YPEL2: variants seen among roughly 807,000 people sequenced by gnomAD.
YPEL2 encodes the protein protein yippee-like 2.
A neutral mutation model predicts 19.1 loss-of-function variants in YPEL2; 2 were observed. The observed-to-expected ratio is 0.10, with a 90% CI of 0.04 to 0.33. YPEL2 has a LOEUF of 0.33. Among genes scored for constraint, YPEL2 ranks in the 10% least tolerant of loss-of-function variants. YPEL2 has a pLI of 1.00. For synonymous variants in YPEL2, 52 were observed against 50.0 expected, an observed-to-expected ratio of 1.04 and a Z score of -0.17; for missense variants, 66 against 140.7, an observed-to-expected ratio of 0.47 and a Z score of 2.68.
At position 59,394,295 on chromosome 17, in the gene YPEL2, T is replaced by C. The variant is rs544187737; in HGVS notation, c.271-2806T>C. ...GCGGAGGGTCTCCTCACTTCTCAGA[T>C]GGGGCGGCCGGGCAGAGACGGCTCC... On this transcript the variant is annotated intron_variant, in intron 4 of 4. Coordinates refer to ENST00000312655, the MANE Select transcript of YPEL2 (RefSeq NM_001005404.4). Among the ~76,000 whole-genome samples the C allele has an allele frequency of 5.8e-3, 807 of 138,814 alleles. 7 individuals carry two copies. The highest frequency in any genetic ancestry group is 0.019 in the African/African-American group (703 of 36,578). 91.1% of individuals were successfully genotyped at this position (138,814 alleles called of 152,430 possible). A position where few individuals can be genotyped will look rare whatever the true frequency, so the allele number is the denominator to read the frequency against.
chr17:59,354,704 G>T (rs557432687), intron 2 of YPEL2: 1 of 152,278 alleles, frequency 6.6e-6, no homozygotes, highest in African/African-American at 2.4e-5. Context: ...AGCTTGAAGC[G>T]TACAGCCCCT....
chr17:59,387,500 G>A (rs563712241), intron 2 of YPEL2, among the ~76,000 whole-genome samples: 2 of 152,006 alleles, frequency 1.3e-5, no homozygotes, highest in Admixed American at 6.6e-5. Flanking sequence ...AAATGCAGGC[G>A]GCAGTGCAGA....
chr17:59,390,905 ATACT>A (rs2147958491), intron 4 of YPEL2, among the ~76,000 whole-genome samples: 1 of 152,356 alleles, frequency 6.6e-6, no homozygotes, highest in Admixed American at 6.5e-5. Flanking sequence ...AAGTTTCCTC[ATACT>A]TACAGAGTTG....
chr17:59,390,622 C>T lies in YPEL2; in HGVS notation c.270+1154C>T, dbSNP rs538124284. Among the ~76,000 whole-genome samples the T allele has an allele frequency of 8.5e-5, 13 of 152,314 alleles. No homozygotes were observed. In the South Asian group the frequency reaches 2.7e-3, roughly 32 times the overall value. ...ACAATTATTCTTTCATTGTTTAACT[C>T]AGCAAAAAATGTTAAGGTCCCTTTG... is the stretch of plus-strand genomic sequence containing the variant. On this transcript the variant is annotated intron_variant, in intron 4 of 4. Coordinates refer to ENST00000312655, the MANE Select transcript of YPEL2 (RefSeq NM_001005404.4).
chr17:59,393,742 CTG>C (rs2048021204), intron 4 of YPEL2, among the ~76,000 whole-genome samples: 1 of 149,322 alleles, frequency 6.7e-6, no homozygotes, highest in Admixed American at 6.7e-5. Flanking sequence ...CTTCAAGCAT[CTG>C]TTTAACAAAG....
At chr17:59,334,915 T>C (rs1041811711) in intron 1 of YPEL2, among the ~76,000 whole-genome samples, 2 of 152,154 alleles carry the variant, frequency 1.3e-5, no homozygotes, top group Admixed American at 6.6e-5. Flanking sequence ...TGTCCCAGGA[T>C]TGGAAAAGCC....
chr17:59,386,983 G>A (rs1246550683), intron 2 of YPEL2, among the ~76,000 whole-genome samples: 1 of 152,124 alleles, frequency 6.6e-6, no homozygotes, highest in African/African-American at 2.4e-5. Context: ...TTTGTTGGCT[G>A]GGTGTGGTGG....
chr17:59,362,026 A>G (rs867787519), intron 2 of YPEL2, among the ~76,000 whole-genome samples: 1 of 152,194 alleles, frequency 6.6e-6, no homozygotes, highest in African/African-American at 2.4e-5. Context: ...GAAGAATAGA[A>G]GCTAGGATGT....
intron 2 of YPEL2, among the ~76,000 whole-genome samples, chr17:59,367,847 C>T (rs1375690893): frequency 6.6e-6 from 1 of 152,212 alleles, no homozygotes; most frequent in Non-Finnish European, 1.5e-5. Context: ...TAGTTTCCTA[C>T]AGTGTCATCA....
chr17:59,392,733 C>G lies in YPEL2; in HGVS notation c.270+3265C>G, dbSNP rs566915268. Among the ~76,000 whole-genome samples, 3 of 152,040 alleles carry G rather than the reference C, an allele frequency of 2.0e-5. No homozygotes were observed. In the East Asian group the frequency reaches 5.8e-4, roughly 29 times the overall value. On this transcript the variant is annotated intron_variant, in intron 4 of 4. Transcript: ENST00000312655. ...TTCACCATGTTGGTCAGGCTGGTCT[C>G]GAACTCCTCACCTCGTGATCTGCCC... is the stretch of plus-strand genomic sequence containing the variant.
intron 1 of YPEL2, among the ~76,000 whole-genome samples, chr17:59,345,783 C>T (rs574614538): frequency 1.5e-4 from 23 of 152,236 alleles, no homozygotes; most frequent in South Asian, 4.1e-4. Flanking sequence ...TGTAGCTAAT[C>T]GGGATTATTG....
At chr17:59,394,300 C>T (rs1445120412) in intron 4 of YPEL2, among the ~76,000 whole-genome samples, 4 of 148,758 alleles carry the variant, frequency 2.7e-5, no homozygotes, top group East Asian at 4.1e-4. Flanking sequence ...TCAGATGGGG[C>T]GGCCGGGCAG....
chr17:59,396,401 A>G lies in YPEL2; in HGVS notation c.271-700A>G, dbSNP rs1236341386. Among the ~76,000 whole-genome samples, 3 of 152,240 alleles carry G rather than the reference A, an allele frequency of 2.0e-5. No homozygotes were observed. In the East Asian group the frequency reaches 5.8e-4, roughly 29 times the overall value. On this transcript the variant is annotated intron_variant, in intron 4 of 4. Coordinates refer to ENST00000312655, the MANE Select transcript of YPEL2 (RefSeq NM_001005404.4). ...AATAGAAATGCAAATTATAATGTAT[A>G]TTCAGAAGTGAGAAGTACAGTGAAG...
chr17:59,364,610 G>GT (rs1567745126), intron 2 of YPEL2, among the ~76,000 whole-genome samples: 22 of 133,120 alleles, frequency 1.7e-4, no homozygotes, highest in Middle Eastern at 4.2e-3. Context: ...ATCCCTCTGT[G>GT]TCTTTTTTTT....
rs1434900409 is a variant in YPEL2, at chr17:59,393,659, G to C, written c.271-3442G>C. ...GGTTTTCCTAGGCAGAGGACCCTGC[G>C]GCCTTCCGCAGTGTTTGTGTCCCTG... On this transcript the variant is annotated intron_variant, in intron 4 of 4. Transcript: ENST00000312655. Among the ~76,000 whole-genome samples, 7 of 146,252 alleles carry C rather than the reference G, an allele frequency of 4.8e-5. No individual in the cohort carries two copies. The East Asian group carries it at 1.4e-3, about 29-fold the overall frequency.
intron 2 of YPEL2, among the ~76,000 whole-genome samples, chr17:59,380,578 T>C (rs982613165): frequency 3.3e-5 from 5 of 152,224 alleles, no homozygotes; most frequent in African/African-American, 4.8e-5. Context: ...CCCTAACTTA[T>C]CTTTTACACA....
chr17:59,331,678 G>A lies in YPEL2; in HGVS notation c.-342G>A, dbSNP rs545723289. ...GTAGCCCCCGGCCCGGACCCGGAGG[G>A]ATGCGGAGTGGCGGCCGCGGCGGTG... On this transcript the variant is annotated 5_prime_UTR_variant, in exon 1 of 5. Coordinates refer to ENST00000312655, the MANE Select transcript of YPEL2 (RefSeq NM_001005404.4). 514 of 153,610 alleles carry A rather than the reference G, an allele frequency of 3.3e-3. 3 individuals are homozygous for A. The highest frequency in any genetic ancestry group is 5.3e-3 in the Admixed American group (81 of 15,318). 9.5% of individuals were successfully genotyped at this position (153,610 alleles called of 1,614,324 possible).
chr17:59,364,792 A>G (rs777992422), intron 2 of YPEL2, among the ~76,000 whole-genome samples: 1 of 151,624 alleles, frequency 6.6e-6, no homozygotes, highest in Non-Finnish European at 1.5e-5. Context: ...TTATTTATTT[A>G]TTTGTTTATT....
Position 59,341,251 on chromosome 17 carries a change from G to A in YPEL2, c.-196+9427G>A, listed in dbSNP as rs561293540. ...ACTAAAAATACAAAAAATTAGCCAG[G>A]CGTGGTGGCTGGTGCCTGTAGTCCC... On this transcript the variant is annotated intron_variant, in intron 1 of 4. Coordinates refer to ENST00000312655, the MANE Select transcript of YPEL2 (RefSeq NM_001005404.4). 9.9e-5 allele frequency among the ~76,000 whole-genome samples: 15 copies of A among 152,130 alleles called. No homozygotes were observed. In the South Asian group the frequency reaches 3.1e-3, roughly 32 times the overall value.
Sources: allele counts gnomAD v4.1 joint callset (sites outside exome capture counted in the v4.1 genomes callset), GRCh38; gene constraint gnomAD v4.1.1; transcripts MANE v1.5; gene names NCBI Gene and HGNC (gene_info 2026-07-23, HGNC 2026-07-21).